Variants in TMEM63A observed in about 807,000 individuals in gnomAD.
TMEM63A encodes transmembrane protein 63A, also known as mechanosensitive cation channel TMEM63A.
TMEM63A carries 76 observed loss-of-function variants against 100.6 expected under a neutral mutation model. That is an observed-to-expected ratio of 0.76 (90% CI 0.63 to 0.91). TMEM63A has a LOEUF of 0.91. Ranked by LOEUF, TMEM63A falls within the 40% of genes least tolerant of loss-of-function variation. The pLI, the probability that TMEM63A is intolerant of heterozygous loss-of-function variation, is 0.00. For synonymous variants in TMEM63A, 401 were observed against 401.1 expected (o/e 1.00, Z 0.00); for missense variants, 876 against 1,008.8 (o/e 0.87, Z 1.78).
rs1287196914 is a variant in TMEM63A at position 225,865,863 on chromosome 1, G to C, written c.746+34C>G. On this transcript the variant is annotated intron_variant, in intron 10 of 24. Transcript: ENST00000366835. The surrounding 1 kb of genome is among the most constrained non-coding windows in gnomAD (Gnocchi z 4.6). Reference sequence around the variant, plus strand: ...GGGGCTGTGTTGGTCCTACGTGGAGGGGGCTCAGCTCCCCTCCCACCCCAC... The same window carrying C: ...GGGGCTGTGTTGGTCCTACGTGGAGCGGGCTCAGCTCCCCTCCCACCCCAC... 1.2e-6 allele frequency: 2 copies of C among 1,610,778 alleles called. No homozygotes were observed. The highest frequency in any genetic ancestry group is 1.7e-6 in the Non-Finnish European group (2 of 1,178,292).
downstream of TMEM63A, chr1:225,845,436 T>A: frequency 1.4e-6 from 2 of 1,389,966 alleles, no homozygotes; most frequent in Non-Finnish European, 1.9e-6. Context: ...GAGGAATGAG[T>A]TTGCCTCCGT....
downstream of TMEM63A, among the ~76,000 whole-genome samples, chr1:225,843,742 G>A (rs184073396): frequency 1.6e-4 from 24 of 152,340 alleles, no homozygotes; most frequent in East Asian, 7.7e-4. Flanking sequence ...GGTCGTGGTC[G>A]TTTTCAAGCT....
chr1:225,854,336 T>G (rs1669504409), intron 18 of TMEM63A, among the ~76,000 whole-genome samples: 1 of 152,082 alleles, frequency 6.6e-6, no homozygotes, highest in Non-Finnish European at 1.5e-5. Flanking sequence ...GGACAAGGGA[T>G]CTGTTCCAAT....
chr1:225,856,849 A>G, intron 16 of TMEM63A, 62 bp downstream of exon 16: 1 of 1,588,926 alleles, frequency 6.3e-7, no homozygotes. Flanking sequence ...TAGGGTGTGG[A>G]CAAGGGAGCG....
At chr1:225,857,256 C>T (rs1559039105) in intron 15 of TMEM63A, among the ~76,000 whole-genome samples, 1 of 152,166 alleles carries the variant, frequency 6.6e-6, no homozygotes, top group Non-Finnish European at 1.5e-5. Flanking sequence ...AAAGCAATTT[C>T]ACATACGAGT....
downstream of TMEM63A, among the ~76,000 whole-genome samples, chr1:225,844,151 G>T (rs1413916823): frequency 1.3e-5 from 2 of 152,176 alleles, no homozygotes; most frequent in Non-Finnish European, 2.9e-5. Context: ...CATGCTGCCT[G>T]GTATGTGGTC....
intron 23 of TMEM63A, among the ~76,000 whole-genome samples, chr1:225,847,826 G>A (rs756685967): frequency 6.6e-6 from 1 of 152,176 alleles, no homozygotes; most frequent in Non-Finnish European, 1.5e-5. Context: ...ACCGATAAGA[G>A]AGCCTGACAC....
intron 6 of TMEM63A, among the ~76,000 whole-genome samples, chr1:225,868,688 A>G (rs1670340517): frequency 6.6e-6 from 1 of 151,256 alleles, no homozygotes; most frequent in South Asian, 2.1e-4. Context: ...CTCCATCTCA[A>G]AAAAGAAAAA....
At position 225,846,920 on chromosome 1, in the gene TMEM63A, A is replaced by G; in HGVS notation, c.*19T>C. 1 of 1,256,470 alleles carries G rather than the reference A, an allele frequency of 8.0e-7. No homozygotes were observed. Among genetic ancestry groups the G allele is most frequent in the Non-Finnish European group, 1.1e-6 (1 of 936,450 alleles). 77.8% of individuals were successfully genotyped at this position (1,256,470 alleles called of 1,614,324 possible). ...CAGGCCATTCTGGTTGTGTCTTTTC[A>G]GAGCAGTGAGACCTAAAACAGATGG... On this transcript the variant is annotated 3_prime_UTR_variant, in exon 25 of 25. Transcript: ENST00000366835.
At chr1:225,876,657 G>GTTTT (rs397983049) in intron 3 of TMEM63A, among the ~76,000 whole-genome samples, 6 of 44,730 alleles carry the variant, frequency 1.3e-4, no homozygotes, top group Admixed American at 2.8e-4. Context: ...TGTTTTTTTG[G>GTTTT]TTTTTTTTGA....
chr1:225,850,118 G>T, intron 20 of TMEM63A, 39 bp from the exon 21 acceptor site: 1 of 1,609,112 alleles, frequency 6.2e-7, no homozygotes, highest in Non-Finnish European at 8.5e-7. Context: ...ACCTCGCAGG[G>T]CCACACAGAC....
At chr1:225,855,765 G>A in intron 18 of TMEM63A, 113 bp downstream of exon 18, 1 of 1,040,344 alleles carries the variant, frequency 9.6e-7, no homozygotes, top group East Asian at 2.6e-5. Flanking sequence ...GGAGGAAGAT[G>A]CCTGTTCAGA....
chr1:225,868,507 CTACTAAAAAA>C (rs1328431570), intron 6 of TMEM63A, among the ~76,000 whole-genome samples: 1 of 150,658 alleles, frequency 6.6e-6, no homozygotes, highest in East Asian at 1.9e-4. Flanking sequence ...GAAACTGTCT[CTACTAAAAAA>C]TACTAAAAAA....
chr1:225,854,908 AC>A (rs1466784817), intron 18 of TMEM63A, among the ~76,000 whole-genome samples: 3 of 152,126 alleles, frequency 2.0e-5, no homozygotes, highest in Non-Finnish European at 4.4e-5. Context: ...GAGATGAGAG[AC>A]CCAAGGCCGA....
intron 3 of TMEM63A, among the ~76,000 whole-genome samples, chr1:225,874,691 A>G (rs1670687146): frequency 1.3e-5 from 2 of 152,266 alleles, no homozygotes; most frequent in South Asian, 4.1e-4. Flanking sequence ...CACAAGGCCC[A>G]GTCTCGGGCC....
rs761174445 is a variant in TMEM63A, at chr1:225,868,000, C to T, written c.402G>A (p.Glu134=). Residue 134 remains glutamate (E), a synonymous_variant, in exon 7 of 25, where the codon GAG becomes GAA. Transcript: ENST00000366835. The surrounding 1 kb of genome is among the most constrained non-coding windows in gnomAD (Gnocchi z 4.6). ...HDDQILEWCG[E]DAIHYLSFQR... ...GGAAGGACAGGTAGTGGATGGCGTC[C>T]TCCCCACACCATTCCAGGATCTGGT... 3.1e-6 allele frequency: 5 copies of T among 1,614,188 alleles called. No individual in the cohort carries two copies. The South Asian group carries it at 4.4e-5, about 14-fold the overall frequency.
intron 6 of TMEM63A, among the ~76,000 whole-genome samples, chr1:225,868,961 G>A (rs1015891254): frequency 1.3e-5 from 2 of 152,212 alleles, no homozygotes; most frequent in Non-Finnish European, 2.9e-5. Flanking sequence ...GCTACAGAGG[G>A]AGAAGGGGCA....
At position 225,877,541 on chromosome 1, in the gene TMEM63A, C is replaced by T; in HGVS notation, c.40G>A (p.Ala14Thr). The T allele has an allele frequency of 6.2e-7, 1 of 1,614,114 alleles. No individual in the cohort carries two copies. The stretch of plus-strand genomic sequence containing the variant: ...CCCAGCTGCTCCCTGATGGACACTG[C>T]CTTGGACTGCCACAGCTCCAGGAAC... ...SPFLELWQSK[A>T]VSIREQLGLG... Residue 14 changes from alanine to threonine, a missense_variant, in exon 3 of 25, where the codon GCA becomes ACA. This residue lies in a region of TMEM63A where 43 missense variants were observed against 48.9 expected (regional missense o/e 0.88). Transcript: ENST00000366835.
intron 5 of TMEM63A, chr1:225,871,733 A>C (rs1670515701): frequency 2.0e-6 from 1 of 501,796 alleles, no homozygotes; most frequent in Non-Finnish European, 3.5e-6. Flanking sequence ...CATAGGTGTA[A>C]GAGAGAGAAG....
Sources: gnomAD v4.1 joint callset for allele counts (sites outside exome capture counted in the v4.1 genomes callset) on GRCh38, gnomAD v4.1.1 for gene constraint, gnomAD v4.1.1 regional missense constraint, Gnocchi (gnomAD v3.1) non-coding constraint, MANE v1.5 for transcripts, NCBI Gene and HGNC (gene_info 2026-07-23, HGNC 2026-07-21) for gene names.